MEIKIN: variants seen among roughly 807,000 people sequenced by gnomAD.
The protein encoded by MEIKIN is meiotic kinetochore factor.
At chr5:131,895,355 T>C (rs931340069) in intron 8 of MEIKIN, among the ~76,000 whole-genome samples, 5 of 152,226 alleles carry the variant, frequency 3.3e-5, no homozygotes, top group Non-Finnish European at 5.9e-5. Flanking sequence ...TTCTCTTTTT[T>C]CATTGTGTCT....
At chr5:131,870,498 T>C (rs1175546805) in intron 9 of MEIKIN, among the ~76,000 whole-genome samples, 3 of 152,146 alleles carry the variant, frequency 2.0e-5, no homozygotes, top group African/African-American at 7.2e-5. Context: ...TTCGCCCGTT[T>C]CCACGACTTA....
chr5:131,909,958 A>G (rs1751305573), intron 8 of MEIKIN, among the ~76,000 whole-genome samples: 1 of 152,204 alleles, frequency 6.6e-6, no homozygotes, highest in Non-Finnish European at 1.5e-5. Context: ...GAACCCTCGT[A>G]TACTGTTGGT....
intron 3 of MEIKIN, among the ~76,000 whole-genome samples, chr5:131,943,596 G>A (rs1316054920): frequency 6.6e-6 from 1 of 152,018 alleles, no homozygotes; most frequent in Non-Finnish European, 1.5e-5. Flanking sequence ...TAATGTATGG[G>A]AATATACAAT....
chr5:131,920,459 T>A lies in MEIKIN; in HGVS notation c.598+1363A>T, dbSNP rs1463160688. Among the ~76,000 whole-genome samples the A allele has an allele frequency of 2.0e-5, 3 of 152,250 alleles. No individual in the cohort carries two copies. The East Asian group carries it at 5.8e-4, about 29-fold the overall frequency. On this transcript the variant is annotated intron_variant, in intron 6 of 12. Transcript: ENST00000442687. ...GTTTGAGGAGAAACAGAGTTTACAGTCTCAAACTATCTTTTTGTAGATATT... is the reference window on the plus strand; with the variant it reads ...GTTTGAGGAGAAACAGAGTTTACAGACTCAAACTATCTTTTTGTAGATATT...
intron 9 of MEIKIN, among the ~76,000 whole-genome samples, chr5:131,871,120 T>C (rs772158843): frequency 4.6e-4 from 70 of 152,290 alleles, no homozygotes; most frequent in Non-Finnish European, 7.2e-4. Context: ...AGGTACCCGG[T>C]TCATCTCACT....
intron 12 of MEIKIN, among the ~76,000 whole-genome samples, chr5:131,808,630 GCAC>G (rs1297691829): frequency 6.6e-6 from 1 of 152,146 alleles, no homozygotes; most frequent in African/African-American, 2.4e-5. Context: ...GGTGGCCTGA[GCAC>G]CACATTTTGA....
At chr5:131,834,957 T>G (rs1479167145) in intron 11 of MEIKIN, among the ~76,000 whole-genome samples, 2 of 152,122 alleles carry the variant, frequency 1.3e-5, no homozygotes, top group Non-Finnish European at 2.9e-5. Flanking sequence ...TTGCCTATAC[T>G]TTTTAATCTG....
chr5:131,828,485 A>C (rs1749653607), intron 11 of MEIKIN, among the ~76,000 whole-genome samples: 1 of 152,174 alleles, frequency 6.6e-6, no homozygotes, highest in Non-Finnish European at 1.5e-5. Flanking sequence ...TTGGAAGATA[A>C]AATTGAGGAA....
chr5:131,867,051 C>A (rs1470293150), intron 9 of MEIKIN, among the ~76,000 whole-genome samples: 5 of 152,166 alleles, frequency 3.3e-5, no homozygotes, highest in Non-Finnish European at 5.9e-5. Flanking sequence ...CCTTCAGAGT[C>A]AAGCTCTATA....
chr5:131,845,479 T>C (rs1382831324), intron 11 of MEIKIN, among the ~76,000 whole-genome samples: 2 of 151,332 alleles, frequency 1.3e-5, no homozygotes, highest in Non-Finnish European at 2.9e-5. Flanking sequence ...TGATGATAAA[T>C]GTATTCAAAA....
intron 9 of MEIKIN, among the ~76,000 whole-genome samples, chr5:131,865,215 G>A (rs1258401379): frequency 8.9e-6 from 1 of 112,108 alleles, no homozygotes; most frequent in African/African-American, 3.6e-5. Context: ...TTTTTCCTGG[G>A]ATTTTGTGAT....
intron 11 of MEIKIN, among the ~76,000 whole-genome samples, chr5:131,819,857 G>A (rs1749456419): frequency 7.9e-6 from 1 of 126,680 alleles, no homozygotes; most frequent in African/African-American, 3.1e-5. Context: ...CTCACTGCAA[G>A]CTCCGCCTCC....
intron 12 of MEIKIN, among the ~76,000 whole-genome samples, chr5:131,814,452 A>AT (rs1287799799): frequency 2.0e-5 from 3 of 151,766 alleles, no homozygotes; most frequent in East Asian, 3.9e-4. Context: ...TAATTTCTGT[A>AT]TTTTTTTGAA....
At chr5:131,922,346 A>AAAAAATTG (rs1305760508) in intron 5 of MEIKIN, among the ~76,000 whole-genome samples, 2 of 152,172 alleles carry the variant, frequency 1.3e-5, no homozygotes, top group Admixed American at 1.3e-4. Context: ...ATATTCAGGA[A>AAAAAATTG]AAAAATTGCA....
intron 9 of MEIKIN, among the ~76,000 whole-genome samples, chr5:131,874,430 C>A (rs1750571032): frequency 6.6e-6 from 1 of 151,826 alleles, no homozygotes; most frequent in South Asian, 2.1e-4. Context: ...CATACATCGT[C>A]CCAAGACTAA....
intron 11 of MEIKIN, among the ~76,000 whole-genome samples, chr5:131,825,690 T>C (rs1049268195): frequency 1.3e-5 from 2 of 152,172 alleles, no homozygotes; most frequent in Non-Finnish European, 2.9e-5. Flanking sequence ...GCATAAACTA[T>C]CTGGCAAGGC....
intron 8 of MEIKIN, among the ~76,000 whole-genome samples, chr5:131,904,186 C>T (rs550516920): frequency 6.6e-6 from 1 of 152,254 alleles, no homozygotes; most frequent in South Asian, 2.1e-4. Context: ...TCTTAGAGAC[C>T]TATGAAGAGA....
chr5:131,822,835 A>T (rs1483899196), intron 11 of MEIKIN, among the ~76,000 whole-genome samples: 1 of 151,930 alleles, frequency 6.6e-6, no homozygotes, highest in East Asian at 1.9e-4. Flanking sequence ...GAATGAAGAA[A>T]TCCCTTTAGC....
intron 8 of MEIKIN, among the ~76,000 whole-genome samples, chr5:131,888,342 C>A (rs1750840058): frequency 2.1e-5 from 3 of 141,520 alleles, no homozygotes; most frequent in Admixed American, 6.9e-5. Context: ...TAAAAGTGTT[C>A]CTATTTCTCC....
Sources: allele counts gnomAD v4.1 joint callset (sites outside exome capture counted in the v4.1 genomes callset), GRCh38; gene constraint gnomAD v4.1.1; transcripts MANE v1.5; gene names NCBI Gene and HGNC (gene_info 2026-07-23, HGNC 2026-07-21).